Variants in MACROD2 observed in about 807,000 individuals in gnomAD.
The protein encoded by MACROD2 is ADP-ribose glycohydrolase MACROD2.
Under a neutral mutation model 70.4 loss-of-function variants are expected in MACROD2, and 36 were observed. The ratio of observed to expected loss-of-function variants is 0.51; its 90% CI spans 0.39 to 0.68. The LOEUF (loss-of-function observed/expected upper bound fraction) is 0.68. MACROD2 is among the 30% of genes least tolerant of loss of function. The probability of loss-of-function intolerance (pLI) is 0.00; values close to 1 mark genes in which losing one functional copy is unlikely to be tolerated. For missense variants in MACROD2, 496 were observed against 538.4 expected (o/e 0.92, Z 0.78); for synonymous variants, 172 against 178.8 (o/e 0.96, Z 0.30).
chr20:14,568,419 T>C (rs76478358), intron 4 of MACROD2, among the ~76,000 whole-genome samples: 3,577 of 152,120 alleles, frequency 0.024, 59 homozygotes, highest in Admixed American at 0.037. Context: ...TAGCATTCCG[T>C]TCCTTTGACA....
At chr20:14,846,957 A>G (rs1426897366) in intron 5 of MACROD2, among the ~76,000 whole-genome samples, 6 of 152,124 alleles carry the variant, frequency 3.9e-5, no homozygotes, top group African/African-American at 9.7e-5. Context: ...TCTTATTTCA[A>G]TTTTTATAAA....
At chr20:14,252,022 A>C (rs199969459) in intron 3 of MACROD2, among the ~76,000 whole-genome samples, 5 of 152,184 alleles carry the variant, frequency 3.3e-5, no homozygotes, top group East Asian at 3.9e-4. Context: ...AAAAGTGTAA[A>C]ATTTTAGCAC....
chr20:14,115,555 T>C (rs569633375), intron 3 of MACROD2, among the ~76,000 whole-genome samples: 5 of 152,358 alleles, frequency 3.3e-5, no homozygotes, highest in African/African-American at 1.2e-4. Context: ...GTTTAACTTT[T>C]GTTTCTTCAA....
intron 3 of MACROD2, among the ~76,000 whole-genome samples, chr20:14,397,552 C>A (rs962066938): frequency 3.9e-5 from 6 of 152,076 alleles, no homozygotes; most frequent in Non-Finnish European, 7.4e-5. Context: ...AAATTGTAGA[C>A]CCTACAATAC....
chr20:15,027,610 C>T (rs2075242614), intron 5 of MACROD2, among the ~76,000 whole-genome samples: 1 of 151,404 alleles, frequency 6.6e-6, no homozygotes, highest in African/African-American at 2.4e-5. Flanking sequence ...CACAGTGGCT[C>T]ATGCCTGTAA....
At chr20:15,413,237 G>A (rs2046102383) in intron 6 of MACROD2, among the ~76,000 whole-genome samples, 1 of 151,934 alleles carries the variant, frequency 6.6e-6, no homozygotes, top group African/African-American at 2.4e-5. Flanking sequence ...TTTTGACGGG[G>A]CAAGTTTCGC....
intron 6 of MACROD2, among the ~76,000 whole-genome samples, chr20:15,232,448 A>G (rs1373094997): frequency 6.6e-6 from 1 of 152,054 alleles, no homozygotes; most frequent in East Asian, 1.9e-4. Flanking sequence ...ACTGTGGACA[A>G]GTAATGTCAA....
intron 5 of MACROD2, among the ~76,000 whole-genome samples, chr20:15,027,405 A>G (rs370740211): frequency 1.3e-5 from 2 of 152,160 alleles, no homozygotes; most frequent in Admixed American, 6.5e-5. Flanking sequence ...CCATGTTTCA[A>G]TCACTGTGGC....
chr20:15,160,641 T>C (rs2076341997), intron 5 of MACROD2, among the ~76,000 whole-genome samples: 1 of 152,016 alleles, frequency 6.6e-6, no homozygotes, highest in Non-Finnish European at 1.5e-5. Flanking sequence ...CCATATCCTC[T>C]CCCCACTATC....
At chr20:14,917,122 G>A (rs73089989) in intron 5 of MACROD2, among the ~76,000 whole-genome samples, 4,590 of 151,078 alleles carry the variant, frequency 0.03, 107 homozygotes, top group Non-Finnish European at 0.046. Context: ...GTGACCCAGG[G>A]GGCTTATTGC....
At chr20:15,245,712 G>A (rs776402304) in intron 6 of MACROD2, among the ~76,000 whole-genome samples, 2 of 152,204 alleles carry the variant, frequency 1.3e-5, no homozygotes, top group Non-Finnish European at 2.9e-5. Context: ...TAGACTTTGT[G>A]TTGAATGATT....
At chr20:15,547,519 C>T (rs903763743) in intron 8 of MACROD2, among the ~76,000 whole-genome samples, 3 of 152,146 alleles carry the variant, frequency 2.0e-5, no homozygotes, top group Non-Finnish European at 2.9e-5. Context: ...GTTGCCTTTA[C>T]GTTTTTAAAT....
At chr20:14,866,007 G>C (rs998837000) in intron 5 of MACROD2, among the ~76,000 whole-genome samples, 8 of 152,050 alleles carry the variant, frequency 5.3e-5, no homozygotes, top group Admixed American at 1.3e-4. Context: ...TCCAAAAATA[G>C]CTTCATAATG....
At chr20:15,866,673 T>C (rs1157842580) in intron 9 of MACROD2, among the ~76,000 whole-genome samples, 2 of 152,196 alleles carry the variant, frequency 1.3e-5, no homozygotes, top group East Asian at 1.9e-4. Flanking sequence ...ATTTGGAGTA[T>C]TGGGGAAAGT....
At chr20:14,053,731 T>C (rs2053600578) in intron 2 of MACROD2, 1 of 152,182 alleles carries the variant, frequency 6.6e-6, no homozygotes, top group Non-Finnish European at 1.5e-5. Context: ...CTCAATTTTG[T>C]TTCCCATAGA....
At chr20:15,391,137 A>G (rs930767173) in intron 6 of MACROD2, among the ~76,000 whole-genome samples, 1 of 152,198 alleles carries the variant, frequency 6.6e-6, no homozygotes, top group Non-Finnish European at 1.5e-5. Flanking sequence ...GAAAGGAGCC[A>G]ATAAATACTG....
At chr20:15,280,477 T>G (rs544061018) in intron 6 of MACROD2, among the ~76,000 whole-genome samples, 1 of 152,338 alleles carries the variant, frequency 6.6e-6, no homozygotes, top group East Asian at 1.9e-4. Flanking sequence ...CAAATCTTTT[T>G]GCAAAATGAA....
At chr20:15,419,425 G>A (rs947043814) in intron 6 of MACROD2, among the ~76,000 whole-genome samples, 5 of 152,204 alleles carry the variant, frequency 3.3e-5, no homozygotes, top group African/African-American at 1.2e-4. Flanking sequence ...GCTTGGAGAA[G>A]GATGAGGCAC....
At chr20:14,712,398 C>T (rs945509752) in intron 5 of MACROD2, among the ~76,000 whole-genome samples, 41 of 152,068 alleles carry the variant, frequency 2.7e-4, no homozygotes, top group African/African-American at 9.4e-4. Flanking sequence ...AAATAGTGCC[C>T]GTCTAAAAAG....
Sources: gnomAD v4.1 joint callset for allele counts (sites outside exome capture counted in the v4.1 genomes callset) on GRCh38, gnomAD v4.1.1 for gene constraint, MANE v1.5 for transcripts, NCBI Gene and HGNC (gene_info 2026-07-23, HGNC 2026-07-21) for gene names.